PGBD2: variants seen among roughly 807,000 people sequenced by gnomAD.
PGBD2 encodes the protein piggyBac transposable element-derived protein 2.
In PGBD2, 6 loss-of-function variants were observed where a neutral mutation model predicts 8.1. The observed-to-expected ratio is 0.74, with a 90% CI of 0.40 to 1.46. PGBD2 has a LOEUF of 1.46. Among genes scored for constraint, PGBD2 ranks in the 40% most tolerant of loss-of-function variants. The pLI is 0.02. For missense variants in PGBD2, 802 were observed against 739.0 expected (o/e 1.09, Z -0.99); for synonymous variants, 318 against 272.2 (o/e 1.17, Z -1.66).
At chr1:248,914,765 C>T (rs963409698) in intron 2 of PGBD2, among the ~76,000 whole-genome samples, 1 of 152,202 alleles carries the variant, frequency 6.6e-6, no homozygotes, top group African/African-American at 2.4e-5. Flanking sequence ...CCATGGTTCA[C>T]CCCCACCCCT....
chr1:248,916,500 T>C, intron 2 of PGBD2, 102 bp from the exon 3 acceptor site: 1 of 940,698 alleles, frequency 1.1e-6, no homozygotes, highest in South Asian at 1.7e-5. Context: ...TGTGAAGCCA[T>C]TCAAGTGGAA....
the PGBD2 span, among the ~76,000 whole-genome samples, chr1:248,888,923 G>A: frequency 1.3e-5 from 2 of 152,232 alleles, no homozygotes; most frequent in South Asian, 2.1e-4. Flanking sequence ...ATGCTGAGAA[G>A]TAGGAGTCTA....
chr1:248,903,273 A>G (rs186395217), upstream of PGBD2, among the ~76,000 whole-genome samples: 98 of 152,244 alleles, frequency 6.4e-4, no homozygotes, highest in African/African-American at 2.1e-3. Flanking sequence ...ATCATAGCTC[A>G]TTGAGGTCTC....
chr1:248,919,021 T>C lies in PGBD2; in HGVS notation c.*658T>C, dbSNP rs1213798505. 1 of 167,098 alleles carries C rather than the reference T, an allele frequency of 6.0e-6. No individual in the cohort carries two copies. The highest frequency in any genetic ancestry group is 1.5e-5 in the Non-Finnish European group (1 of 68,116). The allele number at this position is 167,098 out of a possible 1,614,324, so 10.4% of individuals were successfully genotyped here. On this transcript the variant is annotated 3_prime_UTR_variant, in exon 3 of 3. Coordinates refer to ENST00000329291, the MANE Select transcript of PGBD2 (RefSeq NM_170725.3). The stretch of plus-strand genomic sequence containing the variant: ...GAGATATTCTGATACAAACATGCAA[T>C]GTATAAAAATCACATCAGGGTAAAT...
the PGBD2 span, among the ~76,000 whole-genome samples, chr1:248,894,391 G>A: frequency 6.6e-6 from 1 of 151,898 alleles, no homozygotes; most frequent in Admixed American, 6.6e-5. Flanking sequence ...GGATTTTTAG[G>A]GTTATATAAC....
the PGBD2 span, among the ~76,000 whole-genome samples, chr1:248,882,136 C>A: frequency 6.6e-6 from 1 of 152,096 alleles, no homozygotes; most frequent in African/African-American, 2.4e-5. Context: ...AAATAATAGA[C>A]ACACACAAGA....
intron 2 of PGBD2, chr1:248,914,320 G>T: frequency 1.2e-6 from 1 of 836,872 alleles, no homozygotes; most frequent in African/African-American, 1.9e-5. Context: ...CCTGTGAACT[G>T]GGTGAGGACA....
the PGBD2 span, among the ~76,000 whole-genome samples, chr1:248,878,717 T>C: frequency 6.6e-6 from 1 of 152,256 alleles, no homozygotes; most frequent in African/African-American, 2.4e-5. Context: ...TATCTGCTAA[T>C]GCTTCTGTAG....
At position 248,906,360 on chromosome 1, in the gene PGBD2, C is replaced by G. The variant is rs563968586; in HGVS notation, c.-48+18C>G. 10 of 152,112 alleles carry G rather than the reference C, an allele frequency of 6.6e-5. No homozygotes were observed. In the East Asian group the frequency reaches 1.9e-3, roughly 30 times the overall value. The allele number at this position is 152,112 out of a possible 1,614,324, so 9.4% of individuals were successfully genotyped here. On this transcript the variant is annotated intron_variant, in intron 1 of 2. Coordinates refer to ENST00000329291, the MANE Select transcript of PGBD2 (RefSeq NM_170725.3). ...TAGGGCAGGTAGGCCTCAGTGTGCT[C>G]GCGCTGCAGGCAGGGCTTCGCTTGA...
At position 248,917,475 on chromosome 1, in the gene PGBD2, G is replaced by A. The variant is rs1242271955; in HGVS notation, c.891G>A (p.Trp297Ter). The A allele has an allele frequency of 1.9e-6, 3 of 1,614,142 alleles. No homozygotes were observed. Among genetic ancestry groups the A allele is most frequent in the South Asian group, 1.1e-5 (1 of 91,074 alleles). Residue 297 changes from tryptophan (W) to a stop codon, truncating the protein, a stop_gained, in exon 3 of 3, where the codon TGG becomes TGA. Coordinates refer to ENST00000329291, the MANE Select transcript of PGBD2 (RefSeq NM_170725.3). LOFTEE classifies it low-confidence loss of function (END_TRUNC). ...CTGTGCGACTTGGCTACAAGATTTG[G>A]TGTGGGACAACCAGCAGAGGCTACT... The part of the protein sequence containing the change: ...GKPVRLGYKI[W>*]CGTTSRGYLV...
At chr1:248,894,749 T>G in the PGBD2 span, among the ~76,000 whole-genome samples, 1 of 139,250 alleles carries the variant, frequency 7.2e-6, no homozygotes, top group Non-Finnish European at 1.6e-5. Flanking sequence ...CTTTCCTTCC[T>G]TCCCCTTCCC....
Position 248,917,049 on chromosome 1 carries a change from T to C in PGBD2, c.465T>C (p.Asn155=). 6.2e-7 allele frequency: 1 copy of C among 1,613,892 alleles called. No homozygotes were observed. Among genetic ancestry groups the C allele is most frequent in the Non-Finnish European group, 8.5e-7 (1 of 1,179,986 alleles). Residue 155 remains asparagine (N), a synonymous_variant, in exon 3 of 3, where the codon AAT becomes AAC. Coordinates refer to ENST00000329291, the MANE Select transcript of PGBD2 (RefSeq NM_170725.3). ...TGTTTTTTGATGAAGGAACAATTAA[T>C]TTCATTGTTAATGAAACCAATCGTT... ...FELFFDEGTI[N]FIVNETNRYA... is the part of the protein sequence containing the mutation.
chr1:248,873,944 G>GT, the PGBD2 span, among the ~76,000 whole-genome samples: 2 of 152,292 alleles, frequency 1.3e-5, no homozygotes, highest in African/African-American at 2.4e-5. Context: ...GCGTGGGTTC[G>GT]AATCCCACTT....
rs76073553 is a variant in PGBD2, at chr1:248,914,413, C to T, written c.17+534C>T. 1.8e-4 allele frequency: 227 copies of T among 1,241,362 alleles called. 4 individuals are homozygous for T. In the East Asian group the frequency reaches 0.012, roughly 66 times the overall value. The allele number at this position is 1,241,362 out of a possible 1,614,324, so 76.9% of individuals were successfully genotyped here. On this transcript the variant is annotated intron_variant, in intron 2 of 2. Transcript: ENST00000329291. ...GCTTTTAATTTTCTTTCCCTTTAAG[C>T]CGGTCTCTTTTTCTGGCCCATGCAG...
chr1:248,885,511 C>A, the PGBD2 span, among the ~76,000 whole-genome samples: 1 of 152,050 alleles, frequency 6.6e-6, no homozygotes, highest in Non-Finnish European at 1.5e-5. Flanking sequence ...AACAGAGCCA[C>A]AATTATTTTA....
chr1:248,876,723 G>A, the PGBD2 span, among the ~76,000 whole-genome samples: 64 of 152,192 alleles, frequency 4.2e-4, no homozygotes, highest in African/African-American at 1.5e-3. Flanking sequence ...TTAGTTCCTA[G>A]TGTTTCCCAC....
chr1:248,873,068 G>A, the PGBD2 span, among the ~76,000 whole-genome samples: 557 of 152,198 alleles, frequency 3.7e-3, 1 homozygote, highest in African/African-American at 0.011. Flanking sequence ...CACCAAGTTG[G>A]GGCTTTGTCT....
the PGBD2 span, among the ~76,000 whole-genome samples, chr1:248,874,402 AG>A: frequency 6.6e-6 from 1 of 152,206 alleles, no homozygotes; most frequent in South Asian, 2.1e-4. Flanking sequence ...TTCTAAACAA[AG>A]GGCAAAACGC....
the PGBD2 span, among the ~76,000 whole-genome samples, chr1:248,881,693 A>G: frequency 6.6e-6 from 1 of 152,194 alleles, no homozygotes; most frequent in East Asian, 1.9e-4. Flanking sequence ...TGTTTTTAAG[A>G]CAGGCCATAC....
Sources: gnomAD v4.1 joint callset for allele counts (sites outside exome capture counted in the v4.1 genomes callset) on GRCh38, gnomAD v4.1.1 for gene constraint, MANE v1.5 for transcripts, NCBI Gene and HGNC (gene_info 2026-07-23, HGNC 2026-07-21) for gene names.